Variants in DLG2 observed in about 807,000 individuals in gnomAD.
The protein encoded by DLG2 is disks large homolog 2.
A neutral mutation model predicts 132.5 loss-of-function variants in DLG2; 45 were observed. The observed-to-expected ratio is 0.34, with a 90% confidence interval of 0.27 to 0.44. The LOEUF is 0.44. DLG2 is among the 20% of genes least tolerant of loss of function. The probability of loss-of-function intolerance (pLI) is 1.00; values close to 1 mark genes in which losing one functional copy is unlikely to be tolerated. For synonymous variants in DLG2, 424 were observed against 419.6 expected (o/e 1.01, Z -0.13); for missense variants, 1,045 against 1,196.9 (o/e 0.87, Z 1.87).
At chr11:83,968,245 T>C (rs969236640) in intron 12 of DLG2, among the ~76,000 whole-genome samples, 1 of 152,188 alleles carries the variant, frequency 6.6e-6, no homozygotes, top group African/African-American at 2.4e-5. Flanking sequence ...GCTATGTAAG[T>C]TCCATGTGCT....
At chr11:85,551,144 T>C (rs1430177497) in intron 3 of DLG2, among the ~76,000 whole-genome samples, 1 of 152,226 alleles carries the variant, frequency 6.6e-6, no homozygotes, top group African/African-American at 2.4e-5. Context: ...TCCGATATAT[T>C]AGTGCCCATT....
intron 10 of DLG2, among the ~76,000 whole-genome samples, chr11:84,070,473 C>A (rs1213190941): frequency 6.6e-6 from 1 of 152,162 alleles, no homozygotes; most frequent in Non-Finnish European, 1.5e-5. Flanking sequence ...CTGCATAGAA[C>A]CTAAAATAGT....
chr11:85,030,986 C>G (rs2060953084), intron 6 of DLG2, among the ~76,000 whole-genome samples: 1 of 151,842 alleles, frequency 6.6e-6, no homozygotes, highest in Non-Finnish European at 1.5e-5. Flanking sequence ...TCAGGAAGTA[C>G]ATGTGCAGGT....
intron 3 of DLG2, among the ~76,000 whole-genome samples, chr11:85,366,107 T>TG (rs1272034491): frequency 6.6e-6 from 1 of 152,100 alleles, no homozygotes; most frequent in Non-Finnish European, 1.5e-5. Context: ...GAGTTGAGGA[T>TG]GGGGGCAGTC....
chr11:85,408,576 A>T (rs2089001842), intron 3 of DLG2, among the ~76,000 whole-genome samples: 1 of 125,912 alleles, frequency 7.9e-6, no homozygotes, highest in African/African-American at 3.1e-5. Flanking sequence ...TCCCCAGAGT[A>T]TGATGTTCCC....
intron 6 of DLG2, among the ~76,000 whole-genome samples, chr11:84,878,485 T>C (rs892931536): frequency 1.3e-5 from 2 of 151,968 alleles, no homozygotes; most frequent in African/African-American, 4.8e-5. Flanking sequence ...ATGTTCTCAC[T>C]CATAAGTGGG....
At chr11:85,393,627 A>ATG (rs1361534752) in intron 3 of DLG2, among the ~76,000 whole-genome samples, 52 of 101,826 alleles carry the variant, frequency 5.1e-4, no homozygotes, top group Non-Finnish European at 8.5e-4. Flanking sequence ...TATGGTATGC[A>ATG]TATGTGTGTG....
At chr11:84,729,683 C>T (rs531395499) in intron 6 of DLG2, among the ~76,000 whole-genome samples, 1 of 152,002 alleles carries the variant, frequency 6.6e-6, no homozygotes, top group African/African-American at 2.4e-5. Flanking sequence ...CTAAGTCATA[C>T]TTAGAATGTT....
chr11:85,600,688 A>C lies in DLG2; in HGVS notation c.-92-1900T>G, dbSNP rs368833185. ...ATATATGTGGTTTGATTATGTTGTC[A>C]TATTAATAAAATGAAAATAAAACAA... is the stretch of plus-strand genomic sequence containing the variant. On this transcript the variant is annotated intron_variant, in intron 2 of 27. Transcript: ENST00000376104. 1.1e-3 allele frequency among the ~76,000 whole-genome samples: 173 copies of C among 152,358 alleles called. 1 individual carries two copies. In the South Asian group the frequency reaches 0.02, roughly 18 times the overall value.
intron 11 of DLG2, among the ~76,000 whole-genome samples, chr11:84,007,780 A>G (rs2094645241): frequency 1.3e-5 from 2 of 151,858 alleles, no homozygotes; most frequent in South Asian, 4.2e-4. Context: ...TGACCTTGTA[A>G]TATGTTGTTT....
intron 7 of DLG2, among the ~76,000 whole-genome samples, chr11:84,527,893 T>TCTC (rs2099326301): frequency 2.4e-3 from 307 of 125,638 alleles, no homozygotes; most frequent in East Asian, 3.3e-3. Context: ...CTCCCTCCCT[T>TCTC]TCTCTCTCTC....
intron 12 of DLG2, among the ~76,000 whole-genome samples, chr11:83,976,113 C>T (rs542063670): frequency 1.3e-5 from 2 of 151,938 alleles, no homozygotes; most frequent in East Asian, 3.9e-4. Flanking sequence ...TGGTGCCCAA[C>T]ATTATAGCTA....
intron 6 of DLG2, among the ~76,000 whole-genome samples, chr11:84,716,598 T>C (rs987747203): frequency 3.4e-5 from 5 of 148,608 alleles, no homozygotes; most frequent in African/African-American, 1.2e-4. Flanking sequence ...GATAATGACA[T>C]AAAAACTACT....
At chr11:85,152,622 G>A (rs1402433618) in intron 5 of DLG2, among the ~76,000 whole-genome samples, 2 of 152,162 alleles carry the variant, frequency 1.3e-5, no homozygotes, top group East Asian at 1.9e-4. Flanking sequence ...TCTCACTTTA[G>A]ATTAGGGTTT....
At chr11:83,943,453 G>A (rs533900159) in intron 14 of DLG2, among the ~76,000 whole-genome samples, 76 of 152,180 alleles carry the variant, frequency 5.0e-4, no homozygotes, top group Non-Finnish European at 9.9e-4. Context: ...TTTCTATGTA[G>A]TGCCTAGGTA....
intron 18 of DLG2, among the ~76,000 whole-genome samples, chr11:83,757,954 G>A (rs1251860811): frequency 1.3e-5 from 2 of 152,192 alleles, no homozygotes; most frequent in South Asian, 4.2e-4. Context: ...TATTGACTTG[G>A]TTAATACAAA....
At chr11:84,032,797 C>T (rs1172995218) in intron 11 of DLG2, among the ~76,000 whole-genome samples, 1 of 152,152 alleles carries the variant, frequency 6.6e-6, no homozygotes, top group African/African-American at 2.4e-5. Context: ...GTTTATGGAG[C>T]TGGTGACTTT....
chr11:85,377,872 T>C (rs914385668), intron 3 of DLG2, among the ~76,000 whole-genome samples: 2 of 149,236 alleles, frequency 1.3e-5, no homozygotes, highest in African/African-American at 2.5e-5. Flanking sequence ...TACATATATA[T>C]ACACACACAC....
chr11:84,035,442 G>A (rs920763088), intron 11 of DLG2, among the ~76,000 whole-genome samples: 4 of 152,142 alleles, frequency 2.6e-5, no homozygotes, highest in Admixed American at 6.6e-5. Context: ...AAGAGAGAAA[G>A]CCACATGAAA....
Sources: allele counts gnomAD v4.1 joint callset (sites outside exome capture counted in the v4.1 genomes callset), GRCh38; gene constraint gnomAD v4.1.1; transcripts MANE v1.5; gene names NCBI Gene and HGNC (gene_info 2026-07-23, HGNC 2026-07-21).